The following RANBP9 variants were observed in gnomAD, a reference collection of about 807,000 sequenced individuals.
RANBP9 encodes ran-binding protein 9.
Under a neutral mutation model 84.3 loss-of-function variants are expected in RANBP9, and 15 were observed. The observed-to-expected ratio is 0.18, with a 90% CI of 0.12 to 0.27. The LOEUF (loss-of-function observed/expected upper bound fraction) is 0.27, where lower values mean the gene tolerates loss of function less well. Among genes scored for constraint, RANBP9 ranks in the 10% least tolerant of loss-of-function variants. The pLI is 1.00. For missense variants in RANBP9, 809 were observed against 912.8 expected, an observed-to-expected ratio of 0.89 and a Z score of 1.46; for synonymous variants, 392 against 349.6, an observed-to-expected ratio of 1.12 and a Z score of -1.35.
chr6:13,707,550 A>G (rs1758158322), intron 1 of RANBP9, among the ~76,000 whole-genome samples: 1 of 152,214 alleles, frequency 6.6e-6, no homozygotes, highest in African/African-American at 2.4e-5. Flanking sequence ...TATGAACTTA[A>G]AGAGGCAATA....
chr6:13,665,494 T>C (rs934048868), intron 2 of RANBP9, among the ~76,000 whole-genome samples: 54 of 152,164 alleles, frequency 3.5e-4, no homozygotes, highest in African/African-American at 1.3e-3. Context: ...AAGATCAGTG[T>C]TGCCAAGCAT....
At chr6:13,649,791 C>G (rs1765254156) in intron 5 of RANBP9, among the ~76,000 whole-genome samples, 1 of 152,136 alleles carries the variant, frequency 6.6e-6, no homozygotes, top group Non-Finnish European at 1.5e-5. Context: ...CCAGAGTTAT[C>G]CACTGCCTAT....
Position 13,710,927 on chromosome 6 carries a change from C to G in RANBP9, c.571+8G>C, listed in dbSNP as rs765917564. On this transcript the variant is annotated splice_region_variant and intron_variant, in intron 1 of 13. Coordinates refer to ENST00000011619, the MANE Select transcript of RANBP9 (RefSeq NM_005493.3). ...CCCCACTCCCACCGCAGGACACACG[C>G]CCAGTACCTTTGTAGTGCACCCGCA... 2 of 1,600,062 alleles carry G rather than the reference C, an allele frequency of 1.2e-6. No homozygotes were observed. Among genetic ancestry groups the G allele is most frequent in the Non-Finnish European group, 1.7e-6 (2 of 1,173,964 alleles).
In RANBP9 at chr6:13,711,548, CCTT is replaced by C. The variant is rs774022401; in HGVS notation, c.-46_-44del. On this transcript the variant is annotated 5_prime_UTR_variant, in exon 1 of 14. Transcript: ENST00000011619. ...CTGCGGCCACCTCCACCTCTTCTCT[CCTT>C]CCTCCTCTGCTTCCCGGGGGCGCTG... 8.9e-6 allele frequency: 11 copies of C among 1,237,368 alleles called. No individual in the cohort carries two copies. Among genetic ancestry groups the C allele is most frequent in the East Asian group, 6.4e-5 (2 of 31,438 alleles). The allele number at this position is 1,237,368 out of a possible 1,614,324, so 76.6% of individuals were successfully genotyped here.
intron 2 of RANBP9, among the ~76,000 whole-genome samples, chr6:13,676,799 G>C (rs1390905008): frequency 1.3e-5 from 2 of 152,054 alleles, no homozygotes; most frequent in African/African-American, 2.4e-5. Context: ...AAACGCATCT[G>C]ACAAAATCCA....
At chr6:13,657,038 A>T (rs1271871383) in intron 4 of RANBP9, 71 bp downstream of exon 4, 3 of 1,372,182 alleles carry the variant, frequency 2.2e-6, no homozygotes, top group Admixed American at 4.5e-5. Flanking sequence ...CATAATAAAT[A>T]CAACTACCAT....
intron 11 of RANBP9, 26 bp from the exon 12 acceptor site, chr6:13,632,547 T>C (rs757022472): frequency 4.1e-5 from 66 of 1,594,172 alleles, no homozygotes; most frequent in Non-Finnish European, 5.3e-5. Context: ...ACAAGTATTT[T>C]ACTACCTTAT....
intron 5 of RANBP9, among the ~76,000 whole-genome samples, chr6:13,647,412 A>G (rs1459471749): frequency 1.1e-4 from 17 of 152,166 alleles, no homozygotes. Context: ...ACATTTTATA[A>G]TTGATCAATT....
rs1180737223 is a variant in RANBP9 at position 13,706,691 on chromosome 6, T to C, written c.571+4244A>G. 4.4e-5 allele frequency among the ~76,000 whole-genome samples: 6 copies of C among 136,000 alleles called. No homozygotes were observed. The East Asian group carries it at 8.8e-4, about 20-fold the overall frequency. 89.2% of individuals were successfully genotyped at this position (136,000 alleles called of 152,430 possible). A position where few individuals can be genotyped will look rare whatever the true frequency, so the allele number is the denominator to read the frequency against. Reference sequence around the variant, plus strand: ...CTGACAACAGCAGAGCGAGACTCCATCTTAAAAAAAAAAAAAAAGGACAAT... The same window carrying C: ...CTGACAACAGCAGAGCGAGACTCCACCTTAAAAAAAAAAAAAAAGGACAAT... On this transcript the variant is annotated intron_variant, in intron 1 of 13. Coordinates refer to ENST00000011619, the MANE Select transcript of RANBP9 (RefSeq NM_005493.3).
intron 2 of RANBP9, among the ~76,000 whole-genome samples, chr6:13,660,692 C>CA (rs1412398787): frequency 2.0e-5 from 3 of 151,998 alleles, no homozygotes; most frequent in Non-Finnish European, 4.4e-5. Flanking sequence ...AAAGAAAACT[C>CA]AGAGTTTTCC....
At chr6:13,672,405 T>A (rs1765796659) in intron 2 of RANBP9, among the ~76,000 whole-genome samples, 1 of 152,030 alleles carries the variant, frequency 6.6e-6, no homozygotes, top group African/African-American at 2.4e-5. Context: ...CTGAGAAAAT[T>A]ACAAGAAATA....
chr6:13,658,663 T>C lies in RANBP9; in HGVS notation c.736+117A>G, dbSNP rs113983711. 2.6e-5 allele frequency: 23 copies of C among 900,362 alleles called. 2 individuals are homozygous for C. Among genetic ancestry groups the C allele is most frequent in the African/African-American group, 1.5e-4 (9 of 58,862 alleles). The allele number at this position is 900,362 out of a possible 1,614,324, so 55.8% of individuals were successfully genotyped here. ...CTCAGCTTTCACTTAAAATTCATAA[T>C]GATGATTAAAAACACAGAAAATCAG... On this transcript the variant is annotated intron_variant, in intron 3 of 13. Transcript: ENST00000011619.
intron 12 of RANBP9, among the ~76,000 whole-genome samples, chr6:13,627,151 G>T (rs1418286203): frequency 2.6e-5 from 4 of 152,092 alleles, no homozygotes; most frequent in Non-Finnish European, 4.4e-5. Context: ...CAGGTGCTTG[G>T]TACAGGAAGA....
intron 2 of RANBP9, among the ~76,000 whole-genome samples, chr6:13,675,319 T>TA (rs1456860644): frequency 6.6e-6 from 1 of 152,218 alleles, no homozygotes; most frequent in Non-Finnish European, 1.5e-5. Flanking sequence ...TCTCAGACTT[T>TA]AATAGAATTA....
chr6:13,709,570 C>G (rs541180245), intron 1 of RANBP9, among the ~76,000 whole-genome samples: 12 of 152,118 alleles, frequency 7.9e-5, no homozygotes, highest in Admixed American at 3.9e-4. Context: ...ACAAAAGGTC[C>G]TAACTTGAGA....
chr6:13,627,032 T>C (rs1455424817), intron 12 of RANBP9, among the ~76,000 whole-genome samples: 2 of 152,334 alleles, frequency 1.3e-5, no homozygotes, highest in East Asian at 3.9e-4. Context: ...CTCCATTGTT[T>C]TATATTGCTG....
At chr6:13,641,835 A>G (rs1035339384) in intron 7 of RANBP9, among the ~76,000 whole-genome samples, 1 of 152,180 alleles carries the variant, frequency 6.6e-6, no homozygotes, top group African/African-American at 2.4e-5. Flanking sequence ...CTACAACCCA[A>G]TGTAATCAGT....
chr6:13,630,748 G>C (rs1053588168), intron 12 of RANBP9, among the ~76,000 whole-genome samples: 3 of 152,126 alleles, frequency 2.0e-5, no homozygotes, highest in African/African-American at 4.8e-5. Flanking sequence ...ACTAAAGGCA[G>C]TCTGGTCTGT....
At chr6:13,692,160 C>A (rs897113747) in intron 2 of RANBP9, among the ~76,000 whole-genome samples, 16 of 151,860 alleles carry the variant, frequency 1.1e-4, no homozygotes, top group African/African-American at 3.9e-4. Flanking sequence ...ATGAATTGTT[C>A]TTTGCTTCCA....
Sources: gnomAD v4.1 joint callset for allele counts (sites outside exome capture counted in the v4.1 genomes callset) on GRCh38, gnomAD v4.1.1 for gene constraint, MANE v1.5 for transcripts, NCBI Gene and HGNC (gene_info 2026-07-23, HGNC 2026-07-21) for gene names.